PRKG1: variants seen among roughly 807,000 people sequenced by gnomAD.
PRKG1 encodes the protein protein kinase cGMP-dependent 1, also known as cGMP-dependent protein kinase 1.
PRKG1 carries 35 observed loss-of-function variants against 88.1 expected under a neutral mutation model. The ratio of observed to expected loss-of-function variants is 0.40; its 90% CI spans 0.30 to 0.53. PRKG1 has a LOEUF of 0.53. Ranked by LOEUF, PRKG1 falls within the 20% of genes least tolerant of loss-of-function variation. The pLI is 0.59. For missense variants in PRKG1, 540 were observed against 839.8 expected (o/e 0.64, Z 4.41); for synonymous variants, 303 against 292.5 (o/e 1.04, Z -0.37).
intron 7 of PRKG1, among the ~76,000 whole-genome samples, chr10:52,107,658 A>G (rs1847458616): frequency 6.6e-6 from 1 of 152,250 alleles, no homozygotes; most frequent in Non-Finnish European, 1.5e-5. Context: ...GATCTTAAAA[A>G]GAAGCAACAG....
At chr10:51,523,383 C>T (rs1283246334) in intron 3 of PRKG1, among the ~76,000 whole-genome samples, 1 of 152,128 alleles carries the variant, frequency 6.6e-6, no homozygotes, top group Non-Finnish European at 1.5e-5. Flanking sequence ...TTGGTTAGTC[C>T]ATACTAAGCA....
At chr10:52,231,499 A>C (rs980264870) in intron 9 of PRKG1, 5 of 152,234 alleles carry the variant, frequency 3.3e-5, no homozygotes, top group African/African-American at 9.6e-5. Context: ...AAAGTATCCC[A>C]TTCAGCTTAC....
chr10:51,278,526 A>T (rs143860779), intron 2 of PRKG1, among the ~76,000 whole-genome samples: 1 of 152,146 alleles, frequency 6.6e-6, no homozygotes, highest in Non-Finnish European at 1.5e-5. Flanking sequence ...TTCAGAAGGA[A>T]TGGTACCAGC....
chr10:51,061,880 C>T (rs1208936459), intron 1 of PRKG1, among the ~76,000 whole-genome samples: 1 of 152,132 alleles, frequency 6.6e-6, no homozygotes, highest in African/African-American at 2.4e-5. Flanking sequence ...ATAAAATTGT[C>T]ACAATTATTT....
At chr10:51,051,700 T>C (rs1255573671) in intron 1 of PRKG1, among the ~76,000 whole-genome samples, 1 of 152,152 alleles carries the variant, frequency 6.6e-6, no homozygotes, top group African/African-American at 2.4e-5. Flanking sequence ...TGTCTATAAA[T>C]AAACTTAAAT....
upstream of PRKG1, chr10:51,074,362 G>T (rs1178425963): frequency 3.4e-6 from 4 of 1,168,510 alleles, no homozygotes; most frequent in East Asian, 8.5e-5. Context: ...TGCTCTCCCC[G>T]CTCTGAGCCT....
intron 5 of PRKG1, among the ~76,000 whole-genome samples, chr10:52,024,840 T>C (rs1437930374): frequency 6.6e-6 from 1 of 152,214 alleles, no homozygotes; most frequent in Non-Finnish European, 1.5e-5. Flanking sequence ...TTTGGTTATA[T>C]ACCTAGTAAT....
At chr10:52,135,241 A>G (rs1018771762) in intron 8 of PRKG1, among the ~76,000 whole-genome samples, 2 of 151,142 alleles carry the variant, frequency 1.3e-5, no homozygotes, top group Non-Finnish European at 2.9e-5. Flanking sequence ...TATAAATATG[A>G]TGACTAGTGT....
intron 2 of PRKG1, among the ~76,000 whole-genome samples, chr10:51,291,910 T>C (rs1840592863): frequency 6.6e-6 from 1 of 152,228 alleles, no homozygotes; most frequent in Non-Finnish European, 1.5e-5. Flanking sequence ...TTTAAGTGTT[T>C]TAAAATCACC....
At chr10:51,251,906 G>A (rs1373589313) in intron 2 of PRKG1, among the ~76,000 whole-genome samples, 1 of 151,814 alleles carries the variant, frequency 6.6e-6, no homozygotes, top group Non-Finnish European at 1.5e-5. Flanking sequence ...CCATAAACAT[G>A]AGACATTGAT....
intron 2 of PRKG1, among the ~76,000 whole-genome samples, chr10:51,199,765 C>T (rs1409821047): frequency 1.3e-5 from 2 of 152,206 alleles, no homozygotes; most frequent in Non-Finnish European, 2.9e-5. Flanking sequence ...TCTCTTCTTT[C>T]AGGTATTGGT....
At chr10:52,281,813 C>T (rs1454561125) in intron 13 of PRKG1, among the ~76,000 whole-genome samples, 5 of 152,030 alleles carry the variant, frequency 3.3e-5, no homozygotes, top group South Asian at 2.1e-4. Context: ...CCCAACTGGT[C>T]GTTAACAATT....
intron 2 of PRKG1, among the ~76,000 whole-genome samples, chr10:51,327,022 A>G (rs1245596908): frequency 6.6e-6 from 1 of 152,228 alleles, no homozygotes; most frequent in African/African-American, 2.4e-5. Flanking sequence ...TATACTGCAT[A>G]TGTGTCTTCT....
intron 2 of PRKG1, among the ~76,000 whole-genome samples, chr10:51,437,838 C>T (rs1178952056): frequency 6.7e-6 from 1 of 149,102 alleles, no homozygotes; most frequent in African/African-American, 2.5e-5. Context: ...GAGAGGGGTG[C>T]TAATGTGATC....
At position 51,149,463 on chromosome 10, in the gene PRKG1, A is replaced by AT. The variant is rs1846013455; in HGVS notation, c.312-3695dup. Among the ~76,000 whole-genome samples the AT allele has an allele frequency of 5.3e-5, 8 of 152,156 alleles. No individual in the cohort carries two copies. In the South Asian group the frequency reaches 1.7e-3, roughly 32 times the overall value. On this transcript the variant is annotated intron_variant, in intron 1 of 17. Coordinates refer to ENST00000373980, the MANE Select transcript of PRKG1 (RefSeq NM_006258.4). ...TGTAGAAAGATAATTTCTGTCAAGT[A>AT]TTTTTTCTTTACATTCAGAAATTTT...
intron 7 of PRKG1, among the ~76,000 whole-genome samples, chr10:52,089,208 A>G (rs1342627100): frequency 6.6e-6 from 1 of 152,208 alleles, no homozygotes; most frequent in East Asian, 1.9e-4. Flanking sequence ...TGACTTTTAA[A>G]AAAGGTTTCA....
chr10:51,334,287 A>G (rs1000881659), intron 2 of PRKG1, among the ~76,000 whole-genome samples: 4 of 151,862 alleles, frequency 2.6e-5, no homozygotes, highest in African/African-American at 9.7e-5. Context: ...TAAAATGTAA[A>G]TTCTCCAGGA....
rs1022448607 is a variant in PRKG1 at position 51,356,423 on chromosome 10, C to A, written c.479-111300C>A. On this transcript the variant is annotated intron_variant, in intron 2 of 17. Coordinates refer to ENST00000373980, the MANE Select transcript of PRKG1 (RefSeq NM_006258.4). The stretch of plus-strand genomic sequence containing the variant: ...ATTGTCCATGCTATAGTTATCTGCC[C>A]ATGAAAGGCTATTTGTAAACAGAAT... Among the ~76,000 whole-genome samples the A allele has an allele frequency of 5.3e-5, 8 of 152,060 alleles. No individual in the cohort carries two copies. In the South Asian group the frequency reaches 1.5e-3, roughly 28 times the overall value.
chr10:51,711,070 T>C (rs1279960928), intron 3 of PRKG1, among the ~76,000 whole-genome samples: 2 of 152,074 alleles, frequency 1.3e-5, no homozygotes, highest in Admixed American at 1.3e-4. Flanking sequence ...CTAGCTGTGT[T>C]AATTATGTTA....
Sources: allele counts gnomAD v4.1 joint callset (sites outside exome capture counted in the v4.1 genomes callset), GRCh38; gene constraint gnomAD v4.1.1; transcripts MANE v1.5; gene names NCBI Gene and HGNC (gene_info 2026-07-23, HGNC 2026-07-21).